MECOM: variants seen among roughly 807,000 people sequenced by gnomAD.
MECOM encodes the protein MDS1 and EVI1 complex locus.
A neutral mutation model predicts 116.3 loss-of-function variants in MECOM; 13 were observed. That is an observed-to-expected ratio of 0.11 (90% CI 0.07 to 0.18). MECOM has a LOEUF of 0.18. MECOM is among the 10% of genes least tolerant of loss of function. The pLI is 1.00. For synonymous variants in MECOM, 528 were observed against 535.2 expected, an observed-to-expected ratio of 0.99 and a Z score of 0.19; for missense variants, 1,299 against 1,509.0, an observed-to-expected ratio of 0.86 and a Z score of 2.31.
At chr3:169,198,285 T>G (rs1748697315) in intron 2 of MECOM, among the ~76,000 whole-genome samples, 1 of 152,090 alleles carries the variant, frequency 6.6e-6, no homozygotes, top group Non-Finnish European at 1.5e-5. Context: ...GAAAAACTCA[T>G]GTCTTAAATC....
chr3:169,130,063 T>C (rs1233456563), intron 4 of MECOM, among the ~76,000 whole-genome samples: 1 of 144,174 alleles, frequency 6.9e-6, no homozygotes, highest in Non-Finnish European at 1.5e-5. Context: ...AGTGTATGTA[T>C]GGATGTAAAC....
chr3:169,337,791 C>A (rs140718928), intron 2 of MECOM, among the ~76,000 whole-genome samples: 1 of 152,250 alleles, frequency 6.6e-6, no homozygotes, highest in East Asian at 1.9e-4. Context: ...GCCTTCTACA[C>A]AAATAGATGT....
intron 14 of MECOM, among the ~76,000 whole-genome samples, chr3:169,091,015 T>C (rs1719533404): frequency 6.6e-6 from 1 of 152,012 alleles, no homozygotes; most frequent in African/African-American, 2.4e-5. Flanking sequence ...CAAACACACA[T>C]AGTAAAAATC....
Position 169,116,459 on chromosome 3 carries a change from G to T in MECOM, c.1413C>A (p.Gly471=), listed in dbSNP as rs780755663. 6.2e-7 allele frequency: 1 copy of T among 1,614,118 alleles called. No individual in the cohort carries two copies. Among genetic ancestry groups the T allele is most frequent in the Non-Finnish European group, 8.5e-7 (1 of 1,180,024 alleles). ...TAAGACCAGCAGGATGCCTATTGGC[G>T]CCAAAATAGTCAGCAAGGCCCGGGT... The part of the protein sequence containing the change: ...HANPGLADYF[G]ANRHPAGLTF... Residue 471 remains glycine (G), a synonymous_variant, in exon 8 of 17, where the codon GGC becomes GGA. Coordinates refer to ENST00000651503, the MANE Select transcript of MECOM (RefSeq NM_004991.4).
intron 2 of MECOM, among the ~76,000 whole-genome samples, chr3:169,267,541 G>A (rs1037425247): frequency 1.3e-5 from 2 of 152,104 alleles, no homozygotes; most frequent in Non-Finnish European, 2.9e-5. Flanking sequence ...TGGGGCTGAG[G>A]GGGTGGGCAG....
intron 2 of MECOM, among the ~76,000 whole-genome samples, chr3:169,246,872 C>T (rs972360595): frequency 6.6e-6 from 1 of 152,064 alleles, no homozygotes; most frequent in Admixed American, 6.6e-5. Flanking sequence ...TTCCTTATGT[C>T]TGCTGTTCTT....
At position 169,193,271 on chromosome 3, in the gene MECOM, T is replaced by A. The variant is rs987638194; in HGVS notation, c.376-49439A>T. 4.6e-5 allele frequency among the ~76,000 whole-genome samples: 7 copies of A among 152,146 alleles called. No homozygotes were observed. In the East Asian group the frequency reaches 1.4e-3, roughly 29 times the overall value. On this transcript the variant is annotated intron_variant, in intron 2 of 16. Transcript: ENST00000651503. ...TTTCAAATTCTATAGCAGACTGTGATATAATTACCCACAAAGCTTCTAACA... is the reference window on the plus strand; with the variant it reads ...TTTCAAATTCTATAGCAGACTGTGAAATAATTACCCACAAAGCTTCTAACA...
At chr3:169,213,682 G>T (rs138387288) in intron 2 of MECOM, among the ~76,000 whole-genome samples, 2 of 151,982 alleles carry the variant, frequency 1.3e-5, no homozygotes, top group South Asian at 2.1e-4. Flanking sequence ...AGAAAAAATC[G>T]GCAAAGTTAT....
At chr3:169,397,602 T>G (rs1735210642) in intron 1 of MECOM, among the ~76,000 whole-genome samples, 1 of 152,230 alleles carries the variant, frequency 6.6e-6, no homozygotes, top group South Asian at 2.1e-4. Context: ...ATTGCTATGG[T>G]GCAGTTGGTG....
intron 1 of MECOM, among the ~76,000 whole-genome samples, chr3:169,597,050 G>A (rs1767228584): frequency 6.6e-6 from 1 of 152,138 alleles, no homozygotes; most frequent in African/African-American, 2.4e-5. Context: ...GTATAGGAAA[G>A]ATTAAATATC....
chr3:169,193,666 A>G (rs1310666347), intron 2 of MECOM, among the ~76,000 whole-genome samples: 2 of 152,014 alleles, frequency 1.3e-5, no homozygotes, highest in Admixed American at 1.3e-4. Context: ...TATTAAATAA[A>G]AAATATTTAA....
At chr3:169,608,043 A>G (rs931338196) in intron 1 of MECOM, among the ~76,000 whole-genome samples, 1 of 152,154 alleles carries the variant, frequency 6.6e-6, no homozygotes, top group African/African-American at 2.4e-5. Context: ...TTTTACTGCT[A>G]CCACTTGCAC....
chr3:169,646,833 A>T (rs1489247941), intron 1 of MECOM, among the ~76,000 whole-genome samples: 1 of 152,226 alleles, frequency 6.6e-6, no homozygotes, highest in African/African-American at 2.4e-5. Flanking sequence ...GTAATGACGT[A>T]TCCCTAAGTC....
chr3:169,224,608 T>C (rs1318170200), intron 2 of MECOM, among the ~76,000 whole-genome samples: 4 of 152,188 alleles, frequency 2.6e-5, no homozygotes, highest in Admixed American at 6.5e-5. Context: ...AAAAACTGAG[T>C]GGCCATTGGG....
At chr3:169,120,994 T>G (rs556044923) in intron 7 of MECOM, 62 bp downstream of exon 7, 1 of 1,531,792 alleles carries the variant, frequency 6.5e-7, no homozygotes, top group South Asian at 1.3e-5. Flanking sequence ...ACTCTCCTGG[T>G]CACAGTGCCT....
chr3:169,375,123 G>A (rs945239288), intron 2 of MECOM, among the ~76,000 whole-genome samples: 1 of 151,926 alleles, frequency 6.6e-6, no homozygotes, highest in South Asian at 2.1e-4. Flanking sequence ...TAAGGATGGG[G>A]AGGAAAACAG....
At chr3:169,175,847 C>T (rs532755543) in intron 2 of MECOM, among the ~76,000 whole-genome samples, 14 of 152,244 alleles carry the variant, frequency 9.2e-5, no homozygotes, top group African/African-American at 2.9e-4. Context: ...GACCCTCATG[C>T]AAACATCTCG....
intron 1 of MECOM, among the ~76,000 whole-genome samples, chr3:169,519,529 G>A (rs747337719): frequency 1.3e-5 from 2 of 152,234 alleles, no homozygotes; most frequent in Non-Finnish European, 2.9e-5. Context: ...CACAAACAGT[G>A]TGGTTGTGAT....
At chr3:169,433,097 C>G (rs1400401528) in intron 1 of MECOM, among the ~76,000 whole-genome samples, 4 of 152,098 alleles carry the variant, frequency 2.6e-5, no homozygotes, top group Non-Finnish European at 5.9e-5. Flanking sequence ...AACGGTGAGA[C>G]CCAATTGTGG....
Sources: gnomAD v4.1 joint callset for allele counts (sites outside exome capture counted in the v4.1 genomes callset) on GRCh38, gnomAD v4.1.1 for gene constraint, MANE v1.5 for transcripts, NCBI Gene and HGNC (gene_info 2026-07-23, HGNC 2026-07-21) for gene names.